The following SORD variants were observed in gnomAD, a reference collection of about 807,000 sequenced individuals.
SORD encodes the protein sorbitol dehydrogenase, also known as (R,R)-butanediol dehydrogenase.
SORD carries 18 observed loss-of-function variants against 35.6 expected under a neutral mutation model. The ratio of observed to expected loss-of-function variants is 0.51; its 90% CI spans 0.35 to 0.75. SORD has a LOEUF of 0.75. Ranked by LOEUF, SORD falls within the 30% of genes least tolerant of loss-of-function variation. SORD has a pLI of 0.01. For missense variants in SORD, 250 were observed against 390.2 expected, an observed-to-expected ratio of 0.64 and a Z score of 3.03; for synonymous variants, 106 against 152.9, an observed-to-expected ratio of 0.69 and a Z score of 2.26.
In SORD at chr15:45,027,805, G is replaced by C. The variant is rs1328996863; in HGVS notation, c.66+4456G>C. 2.6e-5 allele frequency among the ~76,000 whole-genome samples: 4 copies of C among 152,232 alleles called. No homozygotes were observed. The East Asian group carries it at 7.7e-4, about 29-fold the overall frequency. ...TTTTACCCCATAGAAGCTATGTTTG[G>C]TGGTGGGGGTGGTGGGAAGCTTGTT... On this transcript the variant is annotated intron_variant, in intron 1 of 8. Coordinates refer to ENST00000267814, the MANE Select transcript of SORD (RefSeq NM_003104.6).
At chr15:45,054,967 A>G (rs1566962116) in intron 3 of SORD, among the ~76,000 whole-genome samples, 2 of 152,220 alleles carry the variant, frequency 1.3e-5, no homozygotes, top group East Asian at 1.9e-4. Flanking sequence ...GATATGTGGC[A>G]TTATTTCTGA....
intron 3 of SORD, among the ~76,000 whole-genome samples, chr15:45,049,063 G>C (rs543481302): frequency 2.8e-4 from 43 of 152,278 alleles, no homozygotes; most frequent in African/African-American, 9.9e-4. Flanking sequence ...GAAAAGGGGA[G>C]GAAACTTTTT....
At chr15:45,062,050 A>C (rs2141122124) in intron 4 of SORD, among the ~76,000 whole-genome samples, 1 of 152,154 alleles carries the variant, frequency 6.6e-6, no homozygotes, top group East Asian at 1.9e-4. Context: ...GTTTCATTTA[A>C]TCGCCAAAAT....
At chr15:45,043,003 C>T (rs4774841) in intron 2 of SORD, among the ~76,000 whole-genome samples, 6,944 of 151,000 alleles carry the variant, frequency 0.046, 193 homozygotes, top group South Asian at 0.11. Context: ...ATGCCCAACA[C>T]GTATCTTCAA....
chr15:45,031,133 C>T (rs796196718), intron 1 of SORD, among the ~76,000 whole-genome samples: 31,049 of 150,412 alleles, frequency 0.21, 6 homozygotes, highest in African/African-American at 0.44. Context: ...TGAGACCAGC[C>T]TGGGAAAGAC....
intron 3 of SORD, among the ~76,000 whole-genome samples, chr15:45,059,211 C>A (rs1365479286): frequency 2.7e-4 from 41 of 152,006 alleles, no homozygotes; most frequent in Non-Finnish European, 4.4e-5. Context: ...TTTTCTTTCT[C>A]CTTCCTCACT....
Position 45,042,662 on chromosome 15 carries a change from G to C in SORD, c.101-595G>C, listed in dbSNP as rs780844224. The stretch of plus-strand genomic sequence containing the variant: ...TCACGCGTAGCATATTAATTGTCTG[G>C]AAAGTTATCTTTTGGAAAATAGTTT... On this transcript the variant is annotated intron_variant, in intron 2 of 8. Coordinates refer to ENST00000267814, the MANE Select transcript of SORD (RefSeq NM_003104.6). Among the ~76,000 whole-genome samples, 57 of 152,112 alleles carry C rather than the reference G, an allele frequency of 3.7e-4. 1 individual carries two copies. Among genetic ancestry groups the C allele is most frequent in the Non-Finnish European group, 4.1e-4 (28 of 68,020 alleles).
intron 1 of SORD, among the ~76,000 whole-genome samples, chr15:45,037,547 G>A (rs1202803199): frequency 6.6e-6 from 1 of 152,154 alleles, no homozygotes; most frequent in Non-Finnish European, 1.5e-5. Flanking sequence ...GCTCTCCCAT[G>A]TTTGAAATAA....
chr15:45,036,368 T>C, intron 1 of SORD: 1 of 455,930 alleles, frequency 2.2e-6, no homozygotes, highest in Non-Finnish European at 4.4e-6. Flanking sequence ...ACTCAATTCC[T>C]TTTAGTCCTC....
At chr15:45,044,234 A>G (rs1893011495) in intron 3 of SORD, among the ~76,000 whole-genome samples, 1 of 152,226 alleles carries the variant, frequency 6.6e-6, no homozygotes, top group Non-Finnish European at 1.5e-5. Context: ...TATAGCTTCC[A>G]ACAGCCACTG....
At position 45,023,216 on chromosome 15, in the gene SORD, GGTAGC is replaced by G. The variant is rs1007710102; in HGVS notation, c.-66_-62del. 2.9e-6 allele frequency: 4 copies of G among 1,380,532 alleles called. No homozygotes were observed. In the African/African-American group the frequency reaches 5.9e-5, roughly 20 times the overall value. 85.5% of individuals were successfully genotyped at this position (1,380,532 alleles called of 1,614,324 possible). Reference sequence around the variant, plus strand: ...ATCCAGTGCCCTGGACCCTCGGCTGGGTAGCGCCACCAGAGCGACCAAACGTCCCG... The same window carrying G: ...ATCCAGTGCCCTGGACCCTCGGCTGGGCCACCAGAGCGACCAAACGTCCCG... On this transcript the variant is annotated 5_prime_UTR_variant, in exon 1 of 9. Coordinates refer to ENST00000267814, the MANE Select transcript of SORD (RefSeq NM_003104.6).
chr15:45,029,569 G>A (rs80247255), intron 1 of SORD, among the ~76,000 whole-genome samples: 31,179 of 150,730 alleles, frequency 0.21, no homozygotes, highest in African/African-American at 0.44. Context: ...TATTTCCACC[G>A]TCTGCAGATG....
At chr15:45,041,194 G>A (rs564610181) in intron 2 of SORD, among the ~76,000 whole-genome samples, 22 of 152,254 alleles carry the variant, frequency 1.4e-4, no homozygotes, top group Admixed American at 5.9e-4. Context: ...CCAGCCCACC[G>A]TCTGCACATG....
At chr15:45,038,192 C>G (rs959312065) in intron 1 of SORD, among the ~76,000 whole-genome samples, 1 of 125,552 alleles carries the variant, frequency 8.0e-6, no homozygotes, top group African/African-American at 3.1e-5. Flanking sequence ...TCCTTCCTTC[C>G]TTCTGATGTA....
chr15:45,073,295 T>A, intron 8 of SORD, 70 bp from the exon 9 acceptor site: 1 of 785,030 alleles, frequency 1.3e-6, no homozygotes, highest in Non-Finnish European at 1.9e-6. Flanking sequence ...GCTGATCTAG[T>A]GCTTGGTAGT....
chr15:45,028,296 C>T (rs898333635), intron 1 of SORD, among the ~76,000 whole-genome samples: 1 of 152,262 alleles, frequency 6.6e-6, no homozygotes, highest in Non-Finnish European at 1.5e-5. Flanking sequence ...CACTGCACTG[C>T]AGCGTGGGTG....
chr15:45,026,942 G>C (rs559788143), intron 1 of SORD, among the ~76,000 whole-genome samples: 1 of 152,198 alleles, frequency 6.6e-6, no homozygotes, highest in Non-Finnish European at 1.5e-5. Flanking sequence ...TACTGCCTAA[G>C]GAGACTGCAC....
intron 1 of SORD, among the ~76,000 whole-genome samples, chr15:45,034,415 T>G (rs1892827555): frequency 6.6e-6 from 1 of 152,140 alleles, no homozygotes; most frequent in African/African-American, 2.4e-5. Flanking sequence ...GTTGAGGGAA[T>G]CAACTCAGTT....
intron 1 of SORD, among the ~76,000 whole-genome samples, chr15:45,035,119 G>T (rs969954249): frequency 6.6e-6 from 1 of 152,168 alleles, no homozygotes; most frequent in Non-Finnish European, 1.5e-5. Flanking sequence ...CCCTTCCCCC[G>T]ACTCCGTGGG....
Sources: gnomAD v4.1 joint callset for allele counts (sites outside exome capture counted in the v4.1 genomes callset) on GRCh38, gnomAD v4.1.1 for gene constraint, MANE v1.5 for transcripts, NCBI Gene and HGNC (gene_info 2026-07-23, HGNC 2026-07-21) for gene names.